NCOA2: variants seen among roughly 807,000 people sequenced by gnomAD.
The protein encoded by NCOA2 is nuclear receptor coactivator 2.
NCOA2 carries 21 observed loss-of-function variants against 145.1 expected under a neutral mutation model. The ratio of observed to expected loss-of-function variants is 0.14; its 90% CI spans 0.10 to 0.21. NCOA2 has a LOEUF of 0.21. Ranked by LOEUF, NCOA2 falls within the 10% of genes least tolerant of loss-of-function variation. The pLI, the probability that NCOA2 is intolerant of heterozygous loss-of-function variation, is 1.00. For missense variants in NCOA2, 1,472 were observed against 1,837.6 expected (o/e 0.80, Z 3.64); for synonymous variants, 619 against 637.5 (o/e 0.97, Z 0.44).
intron 1 of NCOA2, among the ~76,000 whole-genome samples, chr8:70,395,835 T>A (rs1813615127): frequency 6.6e-6 from 1 of 152,210 alleles, no homozygotes; most frequent in African/African-American, 2.4e-5. Flanking sequence ...AGGTTTTGGG[T>A]CATATTTCAT....
chr8:70,131,807 G>C, intron 16 of NCOA2, 30 bp downstream of exon 16: 3 of 1,565,372 alleles, frequency 1.9e-6, no homozygotes, highest in Non-Finnish European at 2.6e-6. Flanking sequence ...GAGAGCGCTT[G>C]GCCCCCACCT....
chr8:70,315,109 T>C (rs1197763129), intron 1 of NCOA2, among the ~76,000 whole-genome samples: 1 of 152,238 alleles, frequency 6.6e-6, no homozygotes, highest in Non-Finnish European at 1.5e-5. Flanking sequence ...AGTAAGATAC[T>C]TGACACTGAT....
At chr8:70,121,266 A>G in intron 22 of NCOA2, 36 bp downstream of exon 22, 7 of 1,531,068 alleles carry the variant, frequency 4.6e-6, no homozygotes, top group South Asian at 1.2e-5. Flanking sequence ...TGTTTGCTTT[A>G]CTTCCATATT....
rs138583362 is a variant in NCOA2, at chr8:70,181,366, T to C, written c.260-6507A>G. On this transcript the variant is annotated intron_variant, in intron 4 of 22. Coordinates refer to ENST00000452400, the MANE Select transcript of NCOA2 (RefSeq NM_006540.4). ...CTTTTTTGGGGATCATCTGAAGAGG[T>C]TGTAGAAAACGCGCAGAAATTAGTC... 3.0e-3 allele frequency among the ~76,000 whole-genome samples: 455 copies of C among 152,240 alleles called. 2 individuals carry two copies. Among genetic ancestry groups the C allele is most frequent in the Admixed American group, 6.2e-3 (95 of 15,290 alleles).
chr8:70,213,850 G>C, intron 4 of NCOA2, 53 bp downstream of exon 4: 2 of 1,450,192 alleles, frequency 1.4e-6, no homozygotes, highest in Non-Finnish European at 9.3e-7. Context: ...TTCTCACACA[G>C]GGAAAAACAG....
At chr8:70,210,223 C>A (rs1167768646) in intron 4 of NCOA2, among the ~76,000 whole-genome samples, 3 of 152,116 alleles carry the variant, frequency 2.0e-5, no homozygotes, top group African/African-American at 7.2e-5. Context: ...GTTTTGAGTA[C>A]GAAATAGGTT....
At chr8:70,154,768 A>G (rs1812105313) in intron 11 of NCOA2, among the ~76,000 whole-genome samples, 1 of 152,180 alleles carries the variant, frequency 6.6e-6, no homozygotes, top group Admixed American at 6.5e-5. Context: ...ATCTCCTTAG[A>G]GGATTATCAA....
At chr8:70,227,514 C>T (rs183811136) in intron 2 of NCOA2, among the ~76,000 whole-genome samples, 1 of 152,082 alleles carries the variant, frequency 6.6e-6, no homozygotes, top group Admixed American at 6.5e-5. Flanking sequence ...TAAAAAATAA[C>T]AAGAAGGAAA....
chr8:70,397,089 T>C (rs1244012600), intron 1 of NCOA2, among the ~76,000 whole-genome samples: 1 of 152,156 alleles, frequency 6.6e-6, no homozygotes, highest in African/African-American at 2.4e-5. Flanking sequence ...CTGTATCAGG[T>C]TCCTGGCACT....
chr8:70,141,654 T>C (rs1810448858), intron 13 of NCOA2, among the ~76,000 whole-genome samples: 1 of 152,200 alleles, frequency 6.6e-6, no homozygotes, highest in South Asian at 2.1e-4. Context: ...CATTTGTACT[T>C]AGAAACAGGT....
chr8:70,299,113 T>C (rs1321535543), intron 1 of NCOA2, among the ~76,000 whole-genome samples: 2 of 152,058 alleles, frequency 1.3e-5, no homozygotes, highest in African/African-American at 4.8e-5. Context: ...TTAGGAGATA[T>C]AAAGATACTA....
At chr8:70,398,336 G>A (rs937400265) in intron 1 of NCOA2, among the ~76,000 whole-genome samples, 4 of 152,174 alleles carry the variant, frequency 2.6e-5, no homozygotes, top group African/African-American at 2.4e-5. Context: ...ACACACACCT[G>A]TAGTCCCAAC....
Position 70,186,998 on chromosome 8 carries a change from T to C in NCOA2, c.260-12139A>G, listed in dbSNP as rs150414435. ...ATGACCCTTTAAATACCTTACAGCA[T>C]AAATTCTCTCCAATTTAAGCAGGCA... On this transcript the variant is annotated intron_variant, in intron 4 of 22. Coordinates refer to ENST00000452400, the MANE Select transcript of NCOA2 (RefSeq NM_006540.4). Among the ~76,000 whole-genome samples the C allele has an allele frequency of 3.2e-3, 492 of 152,348 alleles. 1 individual carries two copies. Among genetic ancestry groups the C allele is most frequent in the African/African-American group, 0.011 (463 of 41,570 alleles).
intron 1 of NCOA2, among the ~76,000 whole-genome samples, chr8:70,314,203 A>C (rs1805376887): frequency 6.9e-6 from 1 of 145,756 alleles, no homozygotes; most frequent in South Asian, 2.1e-4. Flanking sequence ...AAAAAAAAAA[A>C]AAAAAGCAAC....
chr8:70,136,859 GT>G (rs1262666781), intron 15 of NCOA2, among the ~76,000 whole-genome samples: 1 of 152,212 alleles, frequency 6.6e-6, no homozygotes. Context: ...CTGGTTCTAA[GT>G]TTCTTCCACA....
the NCOA2 span, among the ~76,000 whole-genome samples, chr8:70,453,281 C>A: frequency 6.6e-6 from 1 of 152,174 alleles, no homozygotes; most frequent in Admixed American, 6.5e-5. Flanking sequence ...CATCGAAATG[C>A]GCCCAATGTC....
At chr8:70,124,230 G>T in intron 20 of NCOA2, 148 bp from the exon 21 acceptor site, 1 of 720,090 alleles carries the variant, frequency 1.4e-6, no homozygotes, top group Non-Finnish European at 2.2e-6. Flanking sequence ...GCAGGTGGTG[G>T]GCTTGCTGAA....
intron 1 of NCOA2, among the ~76,000 whole-genome samples, chr8:70,310,105 A>G (rs1828200519): frequency 6.6e-6 from 1 of 151,998 alleles, no homozygotes; most frequent in Non-Finnish European, 1.5e-5. Context: ...CCAAGGAGGG[A>G]GGACTGCTTG....
At chr8:70,370,030 G>A (rs901680095) in intron 1 of NCOA2, among the ~76,000 whole-genome samples, 1 of 151,860 alleles carries the variant, frequency 6.6e-6, no homozygotes, top group Non-Finnish European at 1.5e-5. Context: ...AGACCACAGG[G>A]GTGTGCCACC....
Sources: allele counts gnomAD v4.1 joint callset (sites outside exome capture counted in the v4.1 genomes callset), GRCh38; gene constraint gnomAD v4.1.1; transcripts MANE v1.5; gene names NCBI Gene and HGNC (gene_info 2026-07-23, HGNC 2026-07-21).